Variants in PEX1 observed in about 807,000 individuals in gnomAD.
The protein encoded by PEX1 is peroxisomal ATPase PEX1.
In PEX1, 97 loss-of-function variants were observed where a neutral mutation model predicts 152.5. That is an observed-to-expected ratio of 0.64 (90% CI 0.54 to 0.75). PEX1 has a LOEUF of 0.75. Among genes scored for constraint, PEX1 ranks in the 30% least tolerant of loss-of-function variants. PEX1 has a pLI of 0.00. For missense variants in PEX1, 1,357 were observed against 1,516.3 expected, an observed-to-expected ratio of 0.89 and a Z score of 1.74; for synonymous variants, 485 against 531.6, an observed-to-expected ratio of 0.91 and a Z score of 1.21.
At chr7:92,518,459 C>T (rs1792907619) in intron 3 of PEX1, among the ~76,000 whole-genome samples, 1 of 152,058 alleles carries the variant, frequency 6.6e-6, no homozygotes, top group African/African-American at 2.4e-5. Flanking sequence ...TCACAGTTAC[C>T]CACTTTTGTG....
chr7:92,495,582 T>C (rs1033099206), intron 17 of PEX1, among the ~76,000 whole-genome samples: 10 of 152,178 alleles, frequency 6.6e-5, no homozygotes, highest in Non-Finnish European at 1.0e-4. Context: ...AGTTTTCAAA[T>C]GTATTGGCAT....
At chr7:92,497,239 C>T (rs1446944443) in intron 16 of PEX1, among the ~76,000 whole-genome samples, 1 of 152,038 alleles carries the variant, frequency 6.6e-6, no homozygotes, top group Non-Finnish European at 1.5e-5. Flanking sequence ...CTGCTGAATC[C>T]CTTGTGCCAG....
Position 92,489,401 on chromosome 7 carries a change from G to A in PEX1, c.3659C>T (p.Pro1220Leu). Residue 1220 changes from proline to leucine, a missense_variant, in exon 23 of 24, where the codon CCA becomes CTA. Pro to Leu is a moderately conservative substitution (Grantham distance 98). Coordinates refer to ENST00000248633, the MANE Select transcript of PEX1 (RefSeq NM_000466.3). The part of the protein sequence containing the change: ...QSGEDESMNQ[P>L]GPIKTRLAIS... ...AGCCAGTCTGGTTTTGATTGGTCCT[G>A]GTTGGTTCATGGATTCGTCCTCCTT... 6.2e-7 allele frequency: 1 copy of A among 1,612,690 alleles called. No individual in the cohort carries two copies. The highest frequency in any genetic ancestry group is 8.5e-7 in the Non-Finnish European group (1 of 1,178,904).
At chr7:92,518,113 T>A (rs1015688146) in intron 4 of PEX1, 28 bp downstream of exon 4, 18 of 1,603,352 alleles carry the variant, frequency 1.1e-5, no homozygotes, top group Non-Finnish European at 1.4e-5. Context: ...GTGTAGAATA[T>A]GACAGCAAAT....
intron 2 of PEX1, among the ~76,000 whole-genome samples, chr7:92,520,679 A>G (rs1793009744): frequency 6.6e-6 from 1 of 152,200 alleles, no homozygotes; most frequent in South Asian, 2.1e-4. Flanking sequence ...TTCTGTTCCT[A>G]TCAGTGATTC....
chr7:92,489,255 AT>A, intron 23 of PEX1, 37 bp downstream of exon 23: 2 of 1,579,792 alleles, frequency 1.3e-6, no homozygotes, highest in Non-Finnish European at 1.7e-6. Flanking sequence ...GTCACTTGTA[AT>A]AGTAGCTGTA....
rs116803244 is a variant in PEX1, at chr7:92,523,258, T to G, written c.130-1013A>C. 2.1e-3 allele frequency among the ~76,000 whole-genome samples: 314 copies of G among 152,342 alleles called. 1 individual carries two copies. Among genetic ancestry groups the G allele is most frequent in the African/African-American group, 7.3e-3 (302 of 41,584 alleles). The stretch of plus-strand genomic sequence containing the variant: ...CTCTATGTGCAAGTTTTTCATATAG[T>G]TGTGTTCATATAGGCACAATTTAAT... On this transcript the variant is annotated intron_variant, in intron 1 of 23. Transcript: ENST00000248633.
intron 11 of PEX1, among the ~76,000 whole-genome samples, chr7:92,505,537 AG>A (rs1792151296): frequency 6.6e-6 from 1 of 152,226 alleles, no homozygotes; most frequent in African/African-American, 2.4e-5. Flanking sequence ...TAAAAAAAGT[AG>A]GATGTGGGAA....
In PEX1 at chr7:92,520,746, C is replaced by CAGAG. The variant is rs140667450; in HGVS notation, c.273+1352_273+1355dup. 1.3e-4 allele frequency among the ~76,000 whole-genome samples: 19 copies of CAGAG among 151,862 alleles called. 1 individual carries two copies. Among genetic ancestry groups the CAGAG allele is most frequent in the African/African-American group, 4.3e-4 (18 of 41,460 alleles). On this transcript the variant is annotated intron_variant, in intron 2 of 23. Transcript: ENST00000248633. ...CAACAGAGGATCATGAAGACGCACA[C>CAGAG]AGAGAGAGAGAGAAAGAGAGAGACA...
chr7:92,522,542 CAT>C (rs1793096923), intron 1 of PEX1, among the ~76,000 whole-genome samples: 1 of 152,138 alleles, frequency 6.6e-6, no homozygotes, highest in Non-Finnish European at 1.5e-5. Flanking sequence ...AGTTGAGCCA[CAT>C]ATAACTATTT....
At chr7:92,518,302 C>T (rs776908180) in intron 3 of PEX1, 47 bp from the exon 4 acceptor site, 6 of 1,158,568 alleles carry the variant, frequency 5.2e-6, no homozygotes, top group Non-Finnish European at 6.5e-6. Flanking sequence ...ATTTTGTCCA[C>T]TCCATATCTA....
intron 17 of PEX1, among the ~76,000 whole-genome samples, chr7:92,495,092 C>A (rs1259573044): frequency 6.6e-6 from 1 of 151,910 alleles, no homozygotes; most frequent in Non-Finnish European, 1.5e-5. Context: ...ATTTATTTTG[C>A]CCATTCAAAA....
chr7:92,496,410 A>G (rs1003207203), intron 17 of PEX1, among the ~76,000 whole-genome samples: 2 of 152,130 alleles, frequency 1.3e-5, no homozygotes, highest in Non-Finnish European at 2.9e-5. Flanking sequence ...TTTAGAGATA[A>G]ATTAGGGGCA....
chr7:92,487,642 C>A (rs561724035), intron 23 of PEX1, 101 bp from the exon 24 acceptor site: 2 of 516,978 alleles, frequency 3.9e-6, no homozygotes, highest in Non-Finnish European at 3.4e-6. Flanking sequence ...AAGAAATGAA[C>A]GGGAAATAAC....
At chr7:92,510,230 G>A (rs1792396085) in intron 8 of PEX1, among the ~76,000 whole-genome samples, 1 of 151,732 alleles carries the variant, frequency 6.6e-6, no homozygotes, top group Non-Finnish European at 1.5e-5. Flanking sequence ...CTTTGGGTGG[G>A]CAAGGCAGAA....
At chr7:92,487,581 A>G in intron 23 of PEX1, 40 bp from the exon 24 acceptor site, 1 of 886,022 alleles carries the variant, frequency 1.1e-6, no homozygotes, top group Non-Finnish European at 1.8e-6. Flanking sequence ...TATAAATACT[A>G]CCATTACAAA....
intron 2 of PEX1, among the ~76,000 whole-genome samples, chr7:92,521,192 G>A (rs982751805): frequency 1.3e-5 from 2 of 152,024 alleles, no homozygotes; most frequent in Admixed American, 6.6e-5. Context: ...TCTTGAACTC[G>A]TGGCCTCAAG....
At position 92,528,516 on chromosome 7, in the gene PEX1, CGGA is replaced by C; in HGVS notation, c.-84_-82del. On this transcript the variant is annotated 5_prime_UTR_variant, in exon 1 of 24. Transcript: ENST00000248633. ...CCCGGCAGGCCGAGGACGTCGGAGC[CGGA>C]GGAGATCGATCGGCCCCGCCCCCTG... 2.0e-6 allele frequency: 3 copies of C among 1,464,898 alleles called. No individual in the cohort carries two copies. Among genetic ancestry groups the C allele is most frequent in the Non-Finnish European group, 2.7e-6 (3 of 1,108,500 alleles). The allele number at this position is 1,464,898 out of a possible 1,614,324, so 90.7% of individuals were successfully genotyped here.
At chr7:92,513,249 G>C (rs1792562645) in intron 6 of PEX1, among the ~76,000 whole-genome samples, 1 of 152,114 alleles carries the variant, frequency 6.6e-6, no homozygotes, top group Non-Finnish European at 1.5e-5. Flanking sequence ...ACAGATACTT[G>C]TACACCAATG....
Sources: gnomAD v4.1 joint callset for allele counts (sites outside exome capture counted in the v4.1 genomes callset) on GRCh38, gnomAD v4.1.1 for gene constraint, MANE v1.5 for transcripts, NCBI Gene and HGNC (gene_info 2026-07-23, HGNC 2026-07-21) for gene names.